Variants in FASN observed in about 807,000 individuals in gnomAD.
FASN encodes fatty acid synthase, also known as 3-hydroxyacyl-[acyl-carrier-protein] dehydratase.
In FASN, 50 loss-of-function variants were observed where a neutral mutation model predicts 250.0. The observed-to-expected ratio is 0.20, with a 90% CI of 0.16 to 0.25. FASN has a LOEUF of 0.25. FASN is among the 10% of genes least tolerant of loss of function. The probability of loss-of-function intolerance (pLI) is 1.00; values close to 1 mark genes in which losing one functional copy is unlikely to be tolerated. For synonymous variants in FASN, 1,909 were observed against 1,584.0 expected (o/e 1.21, Z -4.87); for missense variants, 3,031 against 3,498.5 (o/e 0.87, Z 3.37).
chr17:82,094,027 G>T (rs1031010784), intron 3 of FASN: 2 of 571,856 alleles, frequency 3.5e-6, no homozygotes, highest in African/African-American at 1.9e-5. Flanking sequence ...GAACGAGGCG[G>T]AGGGGGCAGG....
intron 3 of FASN, among the ~76,000 whole-genome samples, chr17:82,094,965 G>C (rs1425697313): frequency 7.0e-6 from 1 of 143,694 alleles, no homozygotes; most frequent in East Asian, 2.1e-4. Flanking sequence ...GGCCGGTGCT[G>C]TCCGCTGCTT....
rs2034036533 is a variant in FASN, at chr17:82,083,836, G to A, written c.5154C>T (p.Thr1718=). 1 of 1,602,552 alleles carries A rather than the reference G, an allele frequency of 6.2e-7. No individual in the cohort carries two copies. Among genetic ancestry groups the A allele is most frequent in the Non-Finnish European group, 8.5e-7 (1 of 1,175,686 alleles). ...ATGTGTCCCGGGAGTTGGCGAAGCT[G>A]GTGCTGTCGAGCTGGGGGAACCTGG... The part of the protein sequence containing the change: ...LQARFPQLDS[T]SFANSRDTSF... The change falls in exon 30 of 43, where the codon ACC becomes ACT. Residue 1718 remains threonine, a synonymous_variant. Coordinates refer to ENST00000306749, the MANE Select transcript of FASN (RefSeq NM_004104.5).
In FASN at chr17:82,092,849, C is replaced by T. The variant is rs528619187; in HGVS notation, c.779-37G>A. 3.0e-5 allele frequency: 48 copies of T among 1,584,268 alleles called. No homozygotes were observed. The East Asian group carries it at 8.5e-4, about 28-fold the overall frequency. Reference sequence around the variant, plus strand: ...TCGGCTCAGTGCTGCAGCCCCAGCCCCGGCTCCCACCTGCCCCCCAGCACC... The same window carrying T: ...TCGGCTCAGTGCTGCAGCCCCAGCCTCGGCTCCCACCTGCCCCCCAGCACC... On this transcript the variant is annotated intron_variant, in intron 6 of 42. Transcript: ENST00000306749.
chr17:82,081,662 A>T lies in FASN; in HGVS notation c.6345T>A (p.Ala2115=). Residue 2115 remains alanine (A), a synonymous_variant, in exon 37 of 43, where the codon GCT becomes GCA. Coordinates refer to ENST00000306749, the MANE Select transcript of FASN (RefSeq NM_004104.5). The part of the protein sequence containing the change: ...VLSSFVLAEK[A]AAYRDRDSQR... ...GGCTGTCCCTGTCCCTATAGGCCGC[A>T]GCCTTCTCAGCCAGCACAAAGCTGC... 1.2e-6 allele frequency: 2 copies of T among 1,612,760 alleles called. No homozygotes were observed. Among genetic ancestry groups the T allele is most frequent in the Non-Finnish European group, 1.7e-6 (2 of 1,180,004 alleles).
At position 82,082,034 on chromosome 17, in the gene FASN, C is replaced by G. The variant is rs2033998569; in HGVS notation, c.6138G>C (p.Glu2046Asp). 1 of 1,609,960 alleles carries G rather than the reference C, an allele frequency of 6.2e-7. No individual in the cohort carries two copies. The highest frequency in any genetic ancestry group is 8.5e-7 in the Non-Finnish European group (1 of 1,179,958). ...FANSAMERIC[E>D]KRRHEGLPGL... is the part of the protein sequence containing the mutation. ...CTGGGAGGCCTTCGTGCCGGCGTTT[C>G]TCACAGATACGCTCCATGGCGGAAT... Residue 2046 changes from glutamate to aspartate, a missense_variant, in exon 36 of 43, where the codon GAG (glutamate) becomes GAC (aspartate). Transcript: ENST00000306749.
intron 27 of FASN, 36 bp from the exon 28 acceptor site, chr17:82,084,420 C>T: frequency 6.3e-7 from 1 of 1,590,960 alleles, no homozygotes; most frequent in Non-Finnish European, 8.5e-7. Flanking sequence ...CACCGCCTGC[C>T]CTTCCCTCCC....
At chr17:82,096,579 G>C in intron 1 of FASN, 127 bp from the exon 2 acceptor site, 4 of 1,360,546 alleles carry the variant, frequency 2.9e-6, no homozygotes, top group Non-Finnish European at 4.1e-6. Context: ...TGCGGGCCCT[G>C]GCTCCTGCGG....
At position 82,091,255 on chromosome 17, in the gene FASN, C is replaced by A. The variant is rs372434423; in HGVS notation, c.1459G>T (p.Ala487Ser). 3.1e-6 allele frequency: 5 copies of A among 1,601,170 alleles called. No individual in the cohort carries two copies. Among genetic ancestry groups the A allele is most frequent in the African/African-American group, 1.3e-5 (1 of 74,774 alleles). ...RGGPEVQQVP[A>S]GERPLWFICS... ...ATGAACCAGAGCGGGCGCTCGCCAGCGGGCACCTGCTGCACCTCTGGGCCA... is the reference window on the plus strand; with the variant it reads ...ATGAACCAGAGCGGGCGCTCGCCAGAGGGCACCTGCTGCACCTCTGGGCCA... Residue 487 changes from alanine to serine, a missense_variant, in exon 9 of 43, where the codon GCT becomes TCT. Physicochemically the swap from Ala to Ser is moderately conservative, Grantham distance 99 (BLOSUM62 1). Coordinates refer to ENST00000306749, the MANE Select transcript of FASN (RefSeq NM_004104.5).
chr17:82,096,572 G>A lies in FASN; in HGVS notation c.-7-120C>T, dbSNP rs1226194006. ...CAAGCACCACCCTGAGGGTCCGTGC[G>A]GGCCCTGGCTCCTGCGGCTCCCTTC... On this transcript the variant is annotated intron_variant, in intron 1 of 42. Coordinates refer to ENST00000306749, the MANE Select transcript of FASN (RefSeq NM_004104.5). The A allele has an allele frequency of 1.9e-5, 28 of 1,473,000 alleles. No individual in the cohort carries two copies. The Middle Eastern group carries it at 5.4e-4, about 28-fold the overall frequency. The allele number at this position is 1,473,000 out of a possible 1,614,324, so 91.2% of individuals were successfully genotyped here.
rs190389710 is a variant in FASN, at chr17:82,091,259, C to T, written c.1455G>A (p.Val485=). The change falls in exon 9 of 43, where the codon GTG becomes GTA. Residue 485 remains valine (V), a synonymous_variant. Transcript: ENST00000306749. ...ACCAGAGCGGGCGCTCGCCAGCGGG[C>T]ACCTGCTGCACCTCTGGGCCACCGC... ...GERGGPEVQQ[V]PAGERPLWFI... is the part of the protein sequence containing the mutation. 3.2e-4 allele frequency: 505 copies of T among 1,602,040 alleles called. 3 individuals carry two copies. In the Admixed American group the frequency reaches 6.4e-3, roughly 20 times the overall value.
rs750920806 is a variant in FASN at position 82,095,312 on chromosome 17, C to T, written c.280+8G>A. On this transcript the variant is annotated splice_region_variant and intron_variant, in intron 3 of 42. Transcript: ENST00000306749. ...CCTCGGCGCAGCAGTCGCGAATGCC[C>T]GACCCACCTCCGTCCACGATGGCTT... 18 of 1,612,676 alleles carry T rather than the reference C, an allele frequency of 1.1e-5. No homozygotes were observed. Among genetic ancestry groups the T allele is most frequent in the South Asian group, 5.5e-5 (5 of 91,088 alleles).
intron 12 of FASN, 122 bp downstream of exon 12, chr17:82,089,510 C>T: frequency 1.3e-6 from 2 of 1,569,570 alleles, no homozygotes; most frequent in Non-Finnish European, 1.7e-6. Flanking sequence ...TGAGGACAAA[C>T]CTGCCCCATG....
intron 5 of FASN, 28 bp downstream of exon 5, chr17:82,093,191 T>C: frequency 6.4e-7 from 1 of 1,555,090 alleles, no homozygotes; most frequent in Non-Finnish European, 8.7e-7. Flanking sequence ...CTGTCCCGCC[T>C]GCCCTGGCCG....
intron 21 of FASN, among the ~76,000 whole-genome samples, 197 bp from the exon 22 acceptor site, chr17:82,086,755 C>T (rs1467809668): frequency 6.6e-5 from 10 of 152,174 alleles, no homozygotes; most frequent in Admixed American, 2.6e-4. Context: ...AGTGAGGGGC[C>T]GCATTCAGCT....
In FASN at chr17:82,080,864, G is replaced by A; in HGVS notation, c.6654C>T (p.Asn2218=). The change falls in exon 39 of 43, where the codon AAC becomes AAT. Residue 2218 remains asparagine (N), a synonymous_variant. Transcript: ENST00000306749. The stretch of plus-strand genomic sequence containing the variant: ...CCGGGTTCACCAGCAGGGAGCGCAG[G>A]TTCAGCTGAGTCTGCTGCTGGGCCA... ...DGLAQQQTQL[N]LRSLLVNPEG... The A allele has an allele frequency of 6.2e-7, 1 of 1,611,514 alleles. No homozygotes were observed. Among genetic ancestry groups the A allele is most frequent in the Non-Finnish European group, 8.5e-7 (1 of 1,179,596 alleles).
intron 2 of FASN, 110 bp downstream of exon 2, chr17:82,096,209 A>G (rs761089518): frequency 3.0e-4 from 467 of 1,551,354 alleles, no homozygotes; most frequent in Non-Finnish European, 2.7e-4. Flanking sequence ...GACCGGCCTC[A>G]GGCCAGTGCC....
chr17:82,094,180 A>C, intron 3 of FASN: 1 of 337,556 alleles, frequency 3.0e-6, no homozygotes, highest in Non-Finnish European at 5.8e-6. Context: ...TCCAGCGCCA[A>C]GGGCAGCCTG....
chr17:82,088,697 C>G, intron 15 of FASN, 64 bp downstream of exon 15: 1 of 1,535,764 alleles, frequency 6.5e-7, no homozygotes, highest in East Asian at 2.3e-5. Flanking sequence ...CCCGCAGCCC[C>G]GCTCACCCAC....
At position 82,083,221 on chromosome 17, in the gene FASN, A is replaced by G. The variant is rs1161173636; in HGVS notation, c.5546T>C (p.Ile1849Thr). 2 of 1,612,686 alleles carry G rather than the reference A, an allele frequency of 1.2e-6. No individual in the cohort carries two copies. The highest frequency in any genetic ancestry group is 1.1e-5 in the South Asian group (1 of 91,084). The stretch of plus-strand genomic sequence containing the variant: ...CCTCACCTGCACGACGACTTTGCCA[A>G]TGTGCTTCCCTTGGGCCATGTAGCG... Reference protein sequence around the residue: ...AFRYMAQGKHIGKVVVQVLAE... With the variant: ...AFRYMAQGKHTGKVVVQVLAE... The change falls in exon 32 of 43, where the codon ATT becomes ACT. Residue 1849 changes from isoleucine to threonine, a missense_variant. By Grantham distance (89) the Ile-to-Thr change is moderately conservative. Transcript: ENST00000306749.
Sources: gnomAD v4.1 joint callset for allele counts (sites outside exome capture counted in the v4.1 genomes callset) on GRCh38, gnomAD v4.1.1 for gene constraint, MANE v1.5 for transcripts, NCBI Gene and HGNC (gene_info 2026-07-23, HGNC 2026-07-21) for gene names.